The following NLGN1 variants were observed in gnomAD, a reference collection of about 807,000 sequenced individuals.
NLGN1 encodes neuroligin-1.
A neutral mutation model predicts 65.5 loss-of-function variants in NLGN1; 12 were observed. That is an observed-to-expected ratio of 0.18 (90% CI 0.12 to 0.30). The LOEUF is 0.30. Ranked by LOEUF, NLGN1 falls within the 10% of genes least tolerant of loss-of-function variation. The probability of loss-of-function intolerance (pLI) is 1.00; values close to 1 mark genes in which losing one functional copy is unlikely to be tolerated. For synonymous variants in NLGN1, 350 were observed against 359.5 expected (o/e 0.97, Z 0.30); for missense variants, 750 against 1,007.1 (o/e 0.74, Z 3.46).
At chr3:173,673,661 C>T (rs1440683908) in intron 3 of NLGN1, among the ~76,000 whole-genome samples, 2 of 152,134 alleles carry the variant, frequency 1.3e-5, no homozygotes, top group Non-Finnish European at 1.5e-5. Context: ...AGATAAATAT[C>T]TTGTTAATGT....
chr3:173,884,792 T>G (rs1734022267), intron 4 of NLGN1, among the ~76,000 whole-genome samples: 1 of 152,186 alleles, frequency 6.6e-6, no homozygotes, highest in Non-Finnish European at 1.5e-5. Context: ...TGAAATTTAT[T>G]TCTCACGTTT....
At chr3:173,627,928 A>G (rs923662332) in intron 3 of NLGN1, among the ~76,000 whole-genome samples, 3 of 150,244 alleles carry the variant, frequency 2.0e-5, no homozygotes, top group Admixed American at 6.6e-5. Flanking sequence ...CCATCTTCCC[A>G]TGAGGCTTAT....
intron 3 of NLGN1, among the ~76,000 whole-genome samples, chr3:173,781,194 T>C (rs1418061313): frequency 8.1e-6 from 1 of 123,302 alleles, no homozygotes; most frequent in Non-Finnish European, 1.8e-5. Flanking sequence ...AAAGTAAAAA[T>C]CCAACCCATT....
rs537790655 is a variant in NLGN1 at position 173,788,206 on chromosome 3, C to CAAAAAAAAA, written c.494-19461_494-19453dup. Among the ~76,000 whole-genome samples the CAAAAAAAAA allele has an allele frequency of 2.3e-4, 14 of 60,840 alleles. No individual in the cohort carries two copies. In the East Asian group the frequency reaches 2.7e-3, roughly 12 times the overall value. 39.9% of individuals were successfully genotyped at this position (60,840 alleles called of 152,430 possible). On this transcript the variant is annotated intron_variant, in intron 3 of 6. Coordinates refer to ENST00000457714, the Ensembl canonical transcript of NLGN1. ...CTATAAACCCAGACTTGACATTTTGCAAAAAAAAAAAAAAAAAAAAAGAAA... is the reference window on the plus strand; with the variant it reads ...CTATAAACCCAGACTTGACATTTTGCAAAAAAAAAAAAAAAAAAAAAAAAAAAAAAGAAA...
intron 4 of NLGN1, among the ~76,000 whole-genome samples, chr3:174,262,596 C>G (rs1243350974): frequency 9.9e-5 from 15 of 151,244 alleles, no homozygotes; most frequent in African/African-American, 3.6e-4. Flanking sequence ...ATTAGTCTTG[C>G]TAGCGGTCTA....
At chr3:173,783,058 C>T (rs1320166595) in intron 3 of NLGN1, among the ~76,000 whole-genome samples, 1 of 151,872 alleles carries the variant, frequency 6.6e-6, no homozygotes, top group Non-Finnish European at 1.5e-5. Flanking sequence ...GAAATAATTT[C>T]CTTCATTTTA....
chr3:174,229,729 G>A (rs966408754), intron 4 of NLGN1, among the ~76,000 whole-genome samples: 1 of 152,152 alleles, frequency 6.6e-6, no homozygotes, highest in African/African-American at 2.4e-5. Context: ...AAAGCAAGAG[G>A]ACATAACAAA....
At chr3:173,499,067 C>A (rs1730542269) in intron 2 of NLGN1, among the ~76,000 whole-genome samples, 1 of 150,736 alleles carries the variant, frequency 6.6e-6, no homozygotes, top group South Asian at 2.1e-4. Flanking sequence ...AATTAGATCC[C>A]ATTTGTCAAT....
Position 173,866,655 on chromosome 3 carries a change from A to G in NLGN1, c.646+58823A>G, listed in dbSNP as rs144198600. 2.9e-3 allele frequency among the ~76,000 whole-genome samples: 445 copies of G among 152,252 alleles called. 6 individuals are homozygous for G. The highest frequency in any genetic ancestry group is 0.01 in the Middle Eastern group (3 of 294). Reference sequence around the variant, plus strand: ...TTGAAACCTCAGCGGCATTCAATTGATTTGTTGGTTTTATATAAAAAGAAA... The same window carrying G: ...TTGAAACCTCAGCGGCATTCAATTGGTTTGTTGGTTTTATATAAAAAGAAA... On this transcript the variant is annotated intron_variant, in intron 4 of 6. Transcript: ENST00000457714.
intron 4 of NLGN1, among the ~76,000 whole-genome samples, chr3:173,897,353 T>A (rs542938806): frequency 6.6e-6 from 1 of 152,214 alleles, no homozygotes; most frequent in Non-Finnish European, 1.5e-5. Context: ...GATAGTAAAA[T>A]TTGGTATCTT....
intron 4 of NLGN1, among the ~76,000 whole-genome samples, chr3:174,020,563 A>G (rs559607052): frequency 3.5e-4 from 53 of 152,148 alleles, no homozygotes; most frequent in Non-Finnish European, 6.6e-4. Flanking sequence ...GTGCTTTCTT[A>G]AGGAAATATA....
At chr3:174,126,733 C>T (rs1267226249) in intron 4 of NLGN1, among the ~76,000 whole-genome samples, 2 of 152,022 alleles carry the variant, frequency 1.3e-5, no homozygotes, top group Non-Finnish European at 2.9e-5. Context: ...TGAAAATCAC[C>T]AACTACTGGA....
intron 2 of NLGN1, among the ~76,000 whole-genome samples, chr3:173,505,311 C>A (rs571171051): frequency 1.3e-5 from 2 of 152,194 alleles, no homozygotes; most frequent in African/African-American, 4.8e-5. Context: ...ACAGCATTGG[C>A]AGATTGTAAT....
intron 3 of NLGN1, among the ~76,000 whole-genome samples, chr3:173,639,282 T>G (rs1254576979): frequency 6.6e-6 from 1 of 152,206 alleles, no homozygotes; most frequent in Non-Finnish European, 1.5e-5. Context: ...GGCAGTCATT[T>G]GGGATGTCTC....
intron 4 of NLGN1, among the ~76,000 whole-genome samples, chr3:173,972,740 T>TA (rs1258801718): frequency 6.6e-6 from 1 of 152,018 alleles, no homozygotes; most frequent in Non-Finnish European, 1.5e-5. Flanking sequence ...ATTGGAAGAT[T>TA]AAAAATTGAG....
chr3:174,245,003 G>A (rs924634162), intron 4 of NLGN1, among the ~76,000 whole-genome samples: 2 of 152,114 alleles, frequency 1.3e-5, no homozygotes, highest in African/African-American at 4.8e-5. Flanking sequence ...CTGACATCTT[G>A]TATTTATTTA....
intron 2 of NLGN1, among the ~76,000 whole-genome samples, chr3:173,564,357 TAAG>T (rs1322891237): frequency 1.3e-5 from 2 of 152,252 alleles, no homozygotes; most frequent in African/African-American, 4.8e-5. Flanking sequence ...AGGAAGACAT[TAAG>T]TAAAACCATC....
At chr3:174,171,943 A>G (rs915401722) in intron 4 of NLGN1, among the ~76,000 whole-genome samples, 13 of 152,074 alleles carry the variant, frequency 8.5e-5, no homozygotes, top group African/African-American at 3.1e-4. Flanking sequence ...TTTGGTTATT[A>G]TAATAATCAT....
upstream of NLGN1, among the ~76,000 whole-genome samples, chr3:173,397,211 C>T (rs1716759422): frequency 6.6e-6 from 1 of 152,056 alleles, no homozygotes; most frequent in African/African-American, 2.4e-5. Context: ...GGAGGAGATT[C>T]GCCTTCCGTT....
Sources: gnomAD v4.1 joint callset for allele counts (sites outside exome capture counted in the v4.1 genomes callset) on GRCh38, gnomAD v4.1.1 for gene constraint, MANE v1.5 for transcripts, NCBI Gene and HGNC (gene_info 2026-07-23, HGNC 2026-07-21) for gene names.